DNAH9: variants seen among roughly 807,000 people sequenced by gnomAD.
DNAH9 encodes the protein DNAH9 variant protein.
A neutral mutation model predicts 471.6 loss-of-function variants in DNAH9; 345 were observed. The observed-to-expected ratio is 0.73, with a 90% CI of 0.67 to 0.80. The LOEUF (loss-of-function observed/expected upper bound fraction) is 0.80. Among genes scored for constraint, DNAH9 ranks in the 30% least tolerant of loss-of-function variants. The probability of loss-of-function intolerance (pLI) is 0.00; values close to 1 mark genes in which losing one functional copy is unlikely to be tolerated. For synonymous variants in DNAH9, 2,093 were observed against 2,123.6 expected, an observed-to-expected ratio of 0.99 and a Z score of 0.40; for missense variants, 5,407 against 5,609.2, an observed-to-expected ratio of 0.96 and a Z score of 1.15.
chr17:11,603,111 A>C (rs1232595887), intron 1 of DNAH9, among the ~76,000 whole-genome samples: 1 of 152,202 alleles, frequency 6.6e-6, no homozygotes, highest in Admixed American at 6.5e-5. Context: ...CCAGCTCTAC[A>C]TACTTCATAC....
At chr17:11,765,889 G>A (rs928578333) in intron 36 of DNAH9, among the ~76,000 whole-genome samples, 1 of 152,170 alleles carries the variant, frequency 6.6e-6, no homozygotes, top group African/African-American at 2.4e-5. Flanking sequence ...AGCGACTGCT[G>A]AGCTACTCTC....
chr17:11,793,520 A>T lies in DNAH9; in HGVS notation c.8079A>T (p.Ser2693=). 1 of 1,612,494 alleles carries T rather than the reference A, an allele frequency of 6.2e-7. No individual in the cohort carries two copies. The highest frequency in any genetic ancestry group is 8.5e-7 in the Non-Finnish European group (1 of 1,179,626). Residue 2693 remains serine, a synonymous_variant, in exon 42 of 69, where the codon TCA becomes TCT. Coordinates refer to ENST00000262442, the MANE Select transcript of DNAH9 (RefSeq NM_001372.4). ...CCTTGAAGGGCATTCTCTTCTCCTC[A>T]GTGGAATGTGTGAAATCCACATGGG... The part of the protein sequence containing the change: ...ANIFQGILFS[S]VECVKSTWDL...
intron 41 of DNAH9, among the ~76,000 whole-genome samples, chr17:11,790,333 TA>T (rs1969019545): frequency 6.6e-6 from 1 of 152,080 alleles, no homozygotes; most frequent in South Asian, 2.1e-4. Flanking sequence ...TCACTTTATA[TA>T]TTTTGAAACT....
At chr17:11,741,865 G>C (rs1215157142) in intron 29 of DNAH9, among the ~76,000 whole-genome samples, 1 of 152,168 alleles carries the variant, frequency 6.6e-6, no homozygotes, top group Non-Finnish European at 1.5e-5. Flanking sequence ...CTGAACTCAA[G>C]TCACAAGACT....
chr17:11,883,479 C>T (rs921333348), intron 55 of DNAH9, 107 bp from the exon 56 acceptor site: 1 of 1,387,722 alleles, frequency 7.2e-7, no homozygotes. Flanking sequence ...ATTCTGCCTC[C>T]ACTTTACTAT....
Position 11,826,619 on chromosome 17 carries a change from C to T in DNAH9, c.9246+3585C>T, listed in dbSNP as rs193167569. ...GACTACAGGTGCCTGCCACCATGCC[C>T]GGCTAATTTTTTTTTTGTATGTTTA... On this transcript the variant is annotated intron_variant, in intron 48 of 68. Transcript: ENST00000262442. 8.6e-5 allele frequency among the ~76,000 whole-genome samples: 13 copies of T among 151,172 alleles called. No individual in the cohort carries two copies. The South Asian group carries it at 1.9e-3, about 22-fold the overall frequency.
At chr17:11,776,939 C>T (rs1363219868) in intron 38 of DNAH9, among the ~76,000 whole-genome samples, 4 of 152,164 alleles carry the variant, frequency 2.6e-5, no homozygotes, top group African/African-American at 4.8e-5. Flanking sequence ...AGCTGTACTG[C>T]TTTCATTCCC....
At chr17:11,767,852 C>A (rs1968027499) in intron 36 of DNAH9, among the ~76,000 whole-genome samples, 1 of 152,122 alleles carries the variant, frequency 6.6e-6, no homozygotes, top group Non-Finnish European at 1.5e-5. Flanking sequence ...AGCTCTGTCT[C>A]CCCCACTGCT....
chr17:11,628,353 C>G (rs2073006309), intron 6 of DNAH9, among the ~76,000 whole-genome samples: 1 of 152,222 alleles, frequency 6.6e-6, no homozygotes, highest in African/African-American at 2.4e-5. Flanking sequence ...CATTGGATCT[C>G]AAGCACACCT....
rs531732812 is a variant in DNAH9, at chr17:11,764,427, T to C, written c.7170+813T>C. On this transcript the variant is annotated intron_variant, in intron 36 of 68. Coordinates refer to ENST00000262442, the MANE Select transcript of DNAH9 (RefSeq NM_001372.4). ...CAAATTTTAAGTATACAATACAGTA[T>C]TGTTACTATAGGAACTTTCCTGTAC... Among the ~76,000 whole-genome samples the C allele has an allele frequency of 2.4e-3, 362 of 152,336 alleles. 1 individual carries two copies. Among genetic ancestry groups the C allele is most frequent in the Middle Eastern group, 6.8e-3 (2 of 294 alleles).
intron 17 of DNAH9, among the ~76,000 whole-genome samples, chr17:11,672,714 A>G (rs1252698598): frequency 6.6e-6 from 1 of 151,644 alleles, no homozygotes; most frequent in Non-Finnish European, 1.5e-5. Flanking sequence ...TGGCTCTTAC[A>G]TCGTTGACCT....
rs188044200 is a variant in DNAH9, at chr17:11,680,851, G to A, written c.3705G>A (p.Gln1235=). The A allele has an allele frequency of 1.4e-4, 232 of 1,613,288 alleles. 2 individuals carry two copies. The South Asian group carries it at 1.7e-3, about 12-fold the overall frequency. ...QRCTAFDAEQ[Q]QFWEQFHKEA... Reference sequence around the variant, plus strand: ...GCACAGCCTTCGATGCAGAACAGCAGCAATTCTGGGAGCAATTCCACAAAG... The same window carrying A: ...GCACAGCCTTCGATGCAGAACAGCAACAATTCTGGGAGCAATTCCACAAAG... The change falls in exon 19 of 69, where the codon CAG becomes CAA. Residue 1235 remains glutamine (Q), a synonymous_variant. Coordinates refer to ENST00000262442, the MANE Select transcript of DNAH9 (RefSeq NM_001372.4).
At chr17:11,659,901 G>A (rs1862118395) in intron 14 of DNAH9, among the ~76,000 whole-genome samples, 1 of 152,178 alleles carries the variant, frequency 6.6e-6, no homozygotes, top group South Asian at 2.1e-4. Context: ...ACGACCTGGT[G>A]TTTGGTCTGA....
intron 62 of DNAH9, among the ~76,000 whole-genome samples, chr17:11,929,120 C>T (rs1013815579): frequency 1.3e-5 from 2 of 150,594 alleles, no homozygotes; most frequent in Admixed American, 6.6e-5. Context: ...CTGCAAGCTC[C>T]GACTCCCGGG....
At chr17:11,898,747 C>G (rs1473979102) in intron 59 of DNAH9, among the ~76,000 whole-genome samples, 1 of 152,170 alleles carries the variant, frequency 6.6e-6, no homozygotes, top group Non-Finnish European at 1.5e-5. Flanking sequence ...TCGTATTACC[C>G]CACAAAGCCC....
chr17:11,622,682 C>T (rs532281323), intron 6 of DNAH9, among the ~76,000 whole-genome samples: 10 of 152,244 alleles, frequency 6.6e-5, no homozygotes, highest in Admixed American at 2.6e-4. Context: ...AACATCAGGG[C>T]GCCTAATCTG....
At chr17:11,844,268 T>C (rs78451035) in intron 49 of DNAH9, among the ~76,000 whole-genome samples, 3,272 of 152,166 alleles carry the variant, frequency 0.022, 56 homozygotes, top group Non-Finnish European at 0.036. Context: ...TAAACAAACT[T>C]TTTTGCATTA....
At chr17:11,929,277 G>A (rs1415606079) in intron 62 of DNAH9, among the ~76,000 whole-genome samples, 3 of 151,846 alleles carry the variant, frequency 2.0e-5, no homozygotes, top group Admixed American at 6.6e-5. Flanking sequence ...CTCGTGATCC[G>A]CCTGCCTCAG....
intron 26 of DNAH9, among the ~76,000 whole-genome samples, chr17:11,710,765 AT>A (rs139625866): frequency 6.6e-6 from 1 of 152,112 alleles, no homozygotes; most frequent in African/African-American, 2.4e-5. Context: ...GTTTATTTTA[AT>A]TTTTCCTTTA....
Sources: allele counts gnomAD v4.1 joint callset (sites outside exome capture counted in the v4.1 genomes callset), GRCh38; gene constraint gnomAD v4.1.1; transcripts MANE v1.5; gene names NCBI Gene and HGNC (gene_info 2026-07-23, HGNC 2026-07-21).